Variants in TRIM44 observed in about 807,000 individuals in gnomAD.
TRIM44 encodes tripartite motif containing 44.
A neutral mutation model predicts 37.4 loss-of-function variants in TRIM44; 13 were observed. The ratio of observed to expected loss-of-function variants is 0.35; its 90% CI spans 0.23 to 0.55. The LOEUF (loss-of-function observed/expected upper bound fraction) is 0.55. Among genes scored for constraint, TRIM44 ranks in the 20% least tolerant of loss-of-function variants. The probability of loss-of-function intolerance (pLI) is 0.89; values close to 1 mark genes in which losing one functional copy is unlikely to be tolerated. For synonymous variants in TRIM44, 175 were observed against 157.2 expected (o/e 1.11, Z -0.85); for missense variants, 426 against 437.2 (o/e 0.97, Z 0.23).
chr11:35,758,806 T>G (rs1336676508), intron 4 of TRIM44, among the ~76,000 whole-genome samples: 3 of 152,228 alleles, frequency 2.0e-5, no homozygotes, highest in African/African-American at 7.2e-5. Context: ...ATTCTTTTCT[T>G]TAAGAATGTT....
At chr11:35,681,778 A>G (rs987784941) in intron 1 of TRIM44, among the ~76,000 whole-genome samples, 6 of 152,044 alleles carry the variant, frequency 3.9e-5, no homozygotes, top group Non-Finnish European at 8.8e-5. Context: ...TTCCCTAACT[A>G]TGGAACAAAT....
intron 3 of TRIM44, 97 bp downstream of exon 3, chr11:35,726,260 T>A: frequency 6.8e-7 from 1 of 1,480,448 alleles, no homozygotes. Context: ...CGTGAATGAA[T>A]TGAAGTCTAG....
At chr11:35,794,309 G>A (rs1853254155) in intron 4 of TRIM44, among the ~76,000 whole-genome samples, 1 of 152,228 alleles carries the variant, frequency 6.6e-6, no homozygotes, top group African/African-American at 2.4e-5. Context: ...TAAAGTATTA[G>A]AATCCAAGCC....
intron 2 of TRIM44, among the ~76,000 whole-genome samples, chr11:35,686,369 TTTTTG>T (rs1851581068): frequency 6.7e-6 from 1 of 148,748 alleles, no homozygotes; most frequent in Admixed American, 6.7e-5. Flanking sequence ...TTTGTTTTTG[TTTTTG>T]TTTTTTTTTT....
chr11:35,713,012 A>T (rs1851997479), intron 2 of TRIM44, among the ~76,000 whole-genome samples: 1 of 152,184 alleles, frequency 6.6e-6, no homozygotes, highest in Non-Finnish European at 1.5e-5. Context: ...TCTTAGACCA[A>T]ACCTGCAGAA....
chr11:35,680,022 C>T (rs1229691791), intron 1 of TRIM44, among the ~76,000 whole-genome samples: 1 of 152,142 alleles, frequency 6.6e-6, no homozygotes, highest in East Asian at 1.9e-4. Context: ...ATGTCATGTA[C>T]AGCCCAAATT....
chr11:35,797,189 G>A (rs1452460109), intron 4 of TRIM44, among the ~76,000 whole-genome samples: 1 of 152,158 alleles, frequency 6.6e-6, no homozygotes, highest in East Asian at 1.9e-4. Flanking sequence ...ATGGAACATA[G>A]GACCCAACTA....
At chr11:35,696,447 A>G (rs1265432793) in intron 2 of TRIM44, among the ~76,000 whole-genome samples, 1 of 151,844 alleles carries the variant, frequency 6.6e-6, no homozygotes, top group African/African-American at 2.4e-5. Flanking sequence ...CAGCCGTCAA[A>G]AATTTTTTAA....
chr11:35,685,476 C>G (rs1243992690), intron 2 of TRIM44, 140 bp downstream of exon 2: 2 of 676,298 alleles, frequency 3.0e-6, no homozygotes, highest in African/African-American at 1.8e-5. Flanking sequence ...GAAACAGTGT[C>G]CTGATATGCC....
intron 1 of TRIM44, among the ~76,000 whole-genome samples, chr11:35,681,356 G>T (rs1428877656): frequency 6.6e-6 from 1 of 152,138 alleles, no homozygotes; most frequent in African/African-American, 2.4e-5. Context: ...TTGTCCTTTG[G>T]TTTTATTATG....
intron 2 of TRIM44, among the ~76,000 whole-genome samples, chr11:35,713,124 C>A (rs1851999403): frequency 6.6e-6 from 1 of 152,150 alleles, no homozygotes; most frequent in Admixed American, 6.5e-5. Flanking sequence ...CTGCATTTAG[C>A]CAAAGGGCAG....
At chr11:35,674,891 G>A (rs71480087) in intron 1 of TRIM44, among the ~76,000 whole-genome samples, 1 of 152,352 alleles carries the variant, frequency 6.6e-6, no homozygotes, top group East Asian at 1.9e-4. Flanking sequence ...TATCACTGGA[G>A]GGCATGGAGC....
chr11:35,729,120 A>G (rs3118130), intron 3 of TRIM44, among the ~76,000 whole-genome samples: 4,078 of 152,100 alleles, frequency 0.027, 139 homozygotes, highest in African/African-American at 0.077. Context: ...TTTACTTCCT[A>G]TGTATGCTAG....
At position 35,811,635 on chromosome 11, in the gene TRIM44, G is replaced by A. The variant is rs576686021; in HGVS notation, c.*5250G>A. On this transcript the variant is annotated 3_prime_UTR_variant, in exon 5 of 5. Transcript: ENST00000299413. The stretch of plus-strand genomic sequence containing the variant: ...ACTCAGAGGCCTTCAGGAGCCAAAT[G>A]TGAAGACTCAAGATGGTAGATACTG... The A allele has an allele frequency of 6.6e-6, 1 of 152,296 alleles. No individual in the cohort carries two copies. Among genetic ancestry groups the A allele is most frequent in the East Asian group, 1.9e-4 (1 of 5,180 alleles). The allele number at this position is 152,296 out of a possible 1,614,324, so 9.4% of individuals were successfully genotyped here. A position where few individuals can be genotyped will look rare whatever the true frequency, so the allele number is the denominator to read the frequency against.
chr11:35,702,019 T>C (rs1310607119), intron 2 of TRIM44, among the ~76,000 whole-genome samples: 2 of 152,198 alleles, frequency 1.3e-5, no homozygotes, highest in Admixed American at 1.3e-4. Context: ...TTTTGTTTCA[T>C]GGATCCATAG....
intron 4 of TRIM44, among the ~76,000 whole-genome samples, chr11:35,776,424 A>AT (rs368639378): frequency 2.6e-5 from 4 of 151,966 alleles, no homozygotes; most frequent in Non-Finnish European, 2.9e-5. Flanking sequence ...GGATTCATTG[A>AT]TTTTTTTGAA....
rs1365382677 is a variant in TRIM44, at chr11:35,760,034, A to T, written c.1007+24589A>T. On this transcript the variant is annotated intron_variant, in intron 4 of 4. Coordinates refer to ENST00000299413, the MANE Select transcript of TRIM44 (RefSeq NM_017583.6). ...CTCTTCAAAGCTGTCAAACAGGGAC[A>T]TATAAGTCTGCAGAGGTTTCTGCTG... Among the ~76,000 whole-genome samples, 3 of 152,356 alleles carry T rather than the reference A, an allele frequency of 2.0e-5. No individual in the cohort carries two copies. The East Asian group carries it at 5.8e-4, about 29-fold the overall frequency.
intron 1 of TRIM44, among the ~76,000 whole-genome samples, chr11:35,678,346 T>C (rs1851483920): frequency 6.6e-6 from 1 of 152,158 alleles, no homozygotes; most frequent in African/African-American, 2.4e-5. Context: ...ATGGCATATA[T>C]TTTAGAGTTC....
chr11:35,710,476 C>T (rs936175814), intron 2 of TRIM44, among the ~76,000 whole-genome samples: 3 of 151,738 alleles, frequency 2.0e-5, no homozygotes, highest in Non-Finnish European at 4.4e-5. Context: ...ATATATACCT[C>T]GTGTGTGCAT....
Sources: gnomAD v4.1 joint callset for allele counts (sites outside exome capture counted in the v4.1 genomes callset) on GRCh38, gnomAD v4.1.1 for gene constraint, MANE v1.5 for transcripts, NCBI Gene and HGNC (gene_info 2026-07-23, HGNC 2026-07-21) for gene names.